Variants in DCTN6 observed in about 807,000 individuals in gnomAD.
DCTN6 encodes the protein dynactin 6.
DCTN6 carries 15 observed loss-of-function variants against 25.8 expected under a neutral mutation model. The ratio of observed to expected loss-of-function variants is 0.58; its 90% CI spans 0.39 to 0.89. DCTN6 has a LOEUF of 0.89. Among genes scored for constraint, DCTN6 ranks in the 40% least tolerant of loss-of-function variants. DCTN6 has a pLI of 0.00. For synonymous variants in DCTN6, 64 were observed against 78.3 expected, an observed-to-expected ratio of 0.82 and a Z score of 0.96; for missense variants, 198 against 237.6, an observed-to-expected ratio of 0.83 and a Z score of 1.09.
intron 1 of DCTN6, among the ~76,000 whole-genome samples, chr8:30,159,145 G>A (rs1405620247): frequency 1.3e-5 from 2 of 152,104 alleles, no homozygotes; most frequent in African/African-American, 4.8e-5. Flanking sequence ...ATTGACTTAC[G>A]CCTTATAAAA....
chr8:30,157,637 G>A (rs1181755698), intron 1 of DCTN6, among the ~76,000 whole-genome samples: 1 of 152,188 alleles, frequency 6.6e-6, no homozygotes, highest in East Asian at 1.9e-4. Context: ...AAGCTCCTTT[G>A]TAAACATGTG....
intron 1 of DCTN6, among the ~76,000 whole-genome samples, chr8:30,160,707 C>T (rs145496859): frequency 1.6e-4 from 24 of 152,266 alleles, no homozygotes; most frequent in African/African-American, 5.5e-4. Context: ...TGTAAATTAT[C>T]TAGAAATGAC....
intron 6 of DCTN6, among the ~76,000 whole-genome samples, chr8:30,181,832 G>C (rs1803914014): frequency 6.7e-6 from 1 of 149,928 alleles, no homozygotes; most frequent in Non-Finnish European, 1.5e-5. Context: ...CAGGGCTGCA[G>C]TAAGCTGTTT....
At chr8:30,179,831 T>C (rs1266792924) in intron 5 of DCTN6, among the ~76,000 whole-genome samples, 1 of 152,180 alleles carries the variant, frequency 6.6e-6, no homozygotes, top group Non-Finnish European at 1.5e-5. Context: ...AGGAATACTT[T>C]TCCCTAGCCA....
At chr8:30,174,389 G>GT (rs1407924707) in intron 2 of DCTN6, among the ~76,000 whole-genome samples, 1 of 151,576 alleles carries the variant, frequency 6.6e-6, no homozygotes, top group Non-Finnish European at 1.5e-5. Context: ...CTGGAGTACA[G>GT]TGGCATGATC....
rs35720829 is a variant in DCTN6, at chr8:30,161,406, A to AC, written c.24-2697dup. Among the ~76,000 whole-genome samples, 848 of 150,616 alleles carry AC rather than the reference A, an allele frequency of 5.6e-3. 4 individuals carry two copies. The highest frequency in any genetic ancestry group is 0.034 in the East Asian group (175 of 5,140). On this transcript the variant is annotated intron_variant, in intron 1 of 6. Transcript: ENST00000221114. ...TAGGATTAGACCAACTGCCTCCCTG[A>AC]CCCCCCCCACCACCAAGTACTTCTT...
intron 1 of DCTN6, among the ~76,000 whole-genome samples, chr8:30,158,860 C>A (rs958246280): frequency 2.8e-5 from 4 of 142,292 alleles, no homozygotes; most frequent in African/African-American, 1.0e-4. Flanking sequence ...CTGCTCACTG[C>A]AACCTTTGCC....
rs1803900436 is a variant in DCTN6, at chr8:30,180,643, C to T, written c.474+13C>T. ...TGAGCGACCGCAGGTACTAGAACCT[C>T]TCTTTAAAAAGAGTTCTATCTGCTG... On this transcript the variant is annotated intron_variant, in intron 6 of 6. Coordinates refer to ENST00000221114, the MANE Select transcript of DCTN6 (RefSeq NM_006571.4). 3.1e-6 allele frequency: 5 copies of T among 1,612,144 alleles called. No homozygotes were observed. The highest frequency in any genetic ancestry group is 1.7e-4 in the Middle Eastern group (1 of 6,038).
intron 2 of DCTN6, among the ~76,000 whole-genome samples, chr8:30,166,758 T>C (rs1803681915): frequency 6.6e-6 from 1 of 152,108 alleles, no homozygotes; most frequent in Non-Finnish European, 1.5e-5. Context: ...TCCCCCATCT[T>C]TAACCCTCTT....
intron 2 of DCTN6, chr8:30,165,688 C>T (rs1344044272): frequency 6.4e-6 from 1 of 156,162 alleles, no homozygotes; most frequent in Non-Finnish European, 1.4e-5. Context: ...ATGGAGAAAC[C>T]CCGTCACTAC....
chr8:30,165,879 A>C (rs1803661832), intron 2 of DCTN6: 1 of 152,072 alleles, frequency 6.6e-6, no homozygotes, highest in East Asian at 1.9e-4. Context: ...AAAAAAAAGA[A>C]AAAAGAAAAA....
chr8:30,175,170 A>G lies in DCTN6; in HGVS notation c.174A>G (p.Glu58=). ...TTGGCGAAGGGAACCTAATAGAAGA[A>G]CAGGCCCTTATCATAAATGCGTAAG... ...IVIGEGNLIE[E]QALIINAYPD... Residue 58 remains glutamate (E), a synonymous_variant, in exon 3 of 7, where the codon GAA becomes GAG. Coordinates refer to ENST00000221114, the MANE Select transcript of DCTN6 (RefSeq NM_006571.4). 3 of 1,614,062 alleles carry G rather than the reference A, an allele frequency of 1.9e-6. No homozygotes were observed. Among genetic ancestry groups the G allele is most frequent in the Non-Finnish European group, 2.5e-6 (3 of 1,179,954 alleles).
chr8:30,179,533 G>T, intron 5 of DCTN6, 78 bp downstream of exon 5: 2 of 1,303,156 alleles, frequency 1.5e-6, no homozygotes, highest in South Asian at 2.8e-5. Flanking sequence ...CAACCTAATA[G>T]AAACTGTGGC....
At chr8:30,180,910 A>G (rs1209859282) in intron 6 of DCTN6, 3 of 449,778 alleles carry the variant, frequency 6.7e-6, no homozygotes, top group African/African-American at 6.0e-5. Context: ...GGGCATGACT[A>G]TAGTCCAGCT....
intron 2 of DCTN6, among the ~76,000 whole-genome samples, chr8:30,165,263 T>G (rs997905771): frequency 6.6e-6 from 1 of 152,210 alleles, no homozygotes; most frequent in African/African-American, 2.4e-5. Context: ...AACATTTTAC[T>G]CTGTTCTTTT....
chr8:30,165,349 A>G (rs1416061558), intron 2 of DCTN6, among the ~76,000 whole-genome samples: 1 of 151,822 alleles, frequency 6.6e-6, no homozygotes, highest in African/African-American at 2.4e-5. Context: ...GCCGCATGTC[A>G]CCTGTATGCT....
At chr8:30,180,786 C>A in intron 6 of DCTN6, 156 bp downstream of exon 6, 1 of 920,384 alleles carries the variant, frequency 1.1e-6, no homozygotes, top group Non-Finnish European at 1.6e-6. Flanking sequence ...AATTCTAGCA[C>A]TTTGGGAGGC....
At chr8:30,180,350 A>G in intron 5 of DCTN6, 138 bp from the exon 6 acceptor site, 1 of 1,091,194 alleles carries the variant, frequency 9.2e-7, no homozygotes, top group Non-Finnish European at 1.3e-6. Flanking sequence ...TTGTCCATAC[A>G]AACTCCAAAC....
In DCTN6 at chr8:30,170,635, G is replaced by A. The variant is rs376082874; in HGVS notation, c.89-4450G>A. 2.0e-4 allele frequency among the ~76,000 whole-genome samples: 31 copies of A among 151,972 alleles called. 1 individual carries two copies. In the South Asian group the frequency reaches 4.6e-3, roughly 22 times the overall value. ...TGTGCAAGACATCTTATGGGACTTG[G>A]GGTTGTTTTAATTTTTTTTTTTTTG... On this transcript the variant is annotated intron_variant, in intron 2 of 6. Transcript: ENST00000221114.
Sources: gnomAD v4.1 joint callset for allele counts (sites outside exome capture counted in the v4.1 genomes callset) on GRCh38, gnomAD v4.1.1 for gene constraint, MANE v1.5 for transcripts, NCBI Gene and HGNC (gene_info 2026-07-23, HGNC 2026-07-21) for gene names.